Variants in VPS13D observed in about 807,000 individuals in gnomAD.
VPS13D encodes the protein vacuolar protein sorting 13 homolog D, also known as intermembrane lipid transfer protein VPS13D.
Under a neutral mutation model 461.9 loss-of-function variants are expected in VPS13D, and 187 were observed. The observed-to-expected ratio is 0.40, with a 90% confidence interval of 0.36 to 0.46. The LOEUF (loss-of-function observed/expected upper bound fraction) is 0.46, where lower values mean the gene tolerates loss of function less well. Among genes scored for constraint, VPS13D ranks in the 20% least tolerant of loss-of-function variants. The pLI is 0.60. For synonymous variants in VPS13D, 1,951 were observed against 1,986.3 expected, an observed-to-expected ratio of 0.98 and a Z score of 0.47; for missense variants, 4,711 against 5,364.9, an observed-to-expected ratio of 0.88 and a Z score of 3.81.
At chr1:12,466,962 G>A (rs540417762) in intron 67 of VPS13D, among the ~76,000 whole-genome samples, 11 of 152,242 alleles carry the variant, frequency 7.2e-5, no homozygotes, top group African/African-American at 1.4e-4. Context: ...TCACCCTTGC[G>A]TATATATTTG....
In VPS13D at chr1:12,508,894, T is replaced by C. The variant is rs1259964408; in HGVS notation, c.13037T>C (p.Val4346Ala). 1.2e-6 allele frequency: 2 copies of C among 1,613,920 alleles called. No homozygotes were observed. Among genetic ancestry groups the C allele is most frequent in the Non-Finnish European group, 8.5e-7 (1 of 1,179,918 alleles). ...IPGPSHQKPM[V>A]HVKSEVLAVK... Reference sequence around the variant, plus strand: ...GACCCATCCTGTTCTCCTCCTTAGGTCCATGTGAAATCTGAGGTCCTTGCT... The same window carrying C: ...GACCCATCCTGTTCTCCTCCTTAGGCCCATGTGAAATCTGAGGTCCTTGCT... The change falls in exon 70 of 70, where the codon GTC becomes GCC. Residue 4346 changes from valine to alanine, a missense_variant and splice_region_variant. Around this residue, in one of 3 missense-constraint regions of VPS13D, gnomAD observed 194 missense variants for 220.9 expected, o/e 0.88. Transcript: ENST00000620676.
At chr1:12,417,759 G>A (rs550922217) in intron 65 of VPS13D, among the ~76,000 whole-genome samples, 1 of 152,302 alleles carries the variant, frequency 6.6e-6, no homozygotes, top group South Asian at 2.1e-4. Context: ...CGTTAATAAT[G>A]TGTGAAAGCT....
At chr1:12,378,703 TTTCAATG>T in intron 56 of VPS13D, 112 bp downstream of exon 56, 1 of 1,178,750 alleles carries the variant, frequency 8.5e-7, no homozygotes, top group South Asian at 2.3e-5. Context: ...TGTATATTTT[TTTCAATG>T]ACAAAAACCT....
intron 18 of VPS13D, among the ~76,000 whole-genome samples, chr1:12,274,624 T>C (rs1317610476): frequency 6.6e-6 from 1 of 152,178 alleles, no homozygotes; most frequent in Non-Finnish European, 1.5e-5. Context: ...AGTGGTGTAT[T>C]TTTATAGTTG....
rs1646086930 is a variant in VPS13D at position 12,505,082 on chromosome 1, C to T, written c.12795-1771C>T. 6.6e-6 allele frequency among the ~76,000 whole-genome samples: 1 copy of T among 152,176 alleles called. No homozygotes were observed. Among genetic ancestry groups the T allele is most frequent in the South Asian group, 2.1e-4 (1 of 4,828 alleles). ...TCATGGTGGCCAACTTTGGAGTCTC[C>T]TTGGAGAGCCCGTGACGGCCTCAGT... is the stretch of plus-strand genomic sequence containing the variant. On this transcript the variant is annotated intron_variant, in intron 68 of 69. Transcript: ENST00000620676. The surrounding 1 kb of genome is among the most constrained non-coding windows in gnomAD (Gnocchi z 4.2).
rs894263835 is a variant in VPS13D, at chr1:12,413,419, G to A, written c.12031-1668G>A. ...GCCCAGGAGGTCCAGGCTGCAGTGA[G>A]CCAAGATCCCGCCACTGTACTCCAG... On this transcript the variant is annotated intron_variant, in intron 63 of 69. Transcript: ENST00000620676. Among the ~76,000 whole-genome samples, 68 of 152,232 alleles carry A rather than the reference G, an allele frequency of 4.5e-4. 1 individual carries two copies. The highest frequency in any genetic ancestry group is 8.3e-4 in the South Asian group (4 of 4,828).
intron 65 of VPS13D, among the ~76,000 whole-genome samples, chr1:12,434,884 T>C (rs1464414291): frequency 6.6e-6 from 1 of 152,228 alleles, no homozygotes; most frequent in African/African-American, 2.4e-5. Context: ...TTTGTTTTTG[T>C]CTGTGGTCTG....
chr1:12,256,213 C>T (rs1186165452), intron 7 of VPS13D, 120 bp from the exon 8 acceptor site: 22 of 1,119,944 alleles, frequency 2.0e-5, no homozygotes, highest in African/African-American at 3.2e-5. Flanking sequence ...AAAATATTTG[C>T]CGCTGTGACA....
At chr1:12,386,517 G>A (rs1173404311) in intron 60 of VPS13D, among the ~76,000 whole-genome samples, 183 bp downstream of exon 60, 1 of 152,196 alleles carries the variant, frequency 6.6e-6, no homozygotes, top group Non-Finnish European at 1.5e-5. Flanking sequence ...TCTACATACA[G>A]CAGAATTCTG....
intron 2 of VPS13D, among the ~76,000 whole-genome samples, chr1:12,237,326 C>CA (rs60266660): frequency 0.014 from 1,372 of 100,860 alleles, 10 homozygotes; most frequent in East Asian, 0.028. Flanking sequence ...CCCTTTTCTA[C>CA]AAAAAAAAAA....
chr1:12,381,980 T>TCTC (rs1644286170), intron 57 of VPS13D, among the ~76,000 whole-genome samples: 1 of 131,184 alleles, frequency 7.6e-6, no homozygotes, highest in Non-Finnish European at 1.6e-5. Flanking sequence ...CTTTCTTTCT[T>TCTC]TCTCTCTCTC....
intron 13 of VPS13D, among the ~76,000 whole-genome samples, chr1:12,265,468 A>G (rs535571139): frequency 6.6e-6 from 1 of 152,214 alleles, no homozygotes; most frequent in South Asian, 2.1e-4. Context: ...AATACATTGC[A>G]TAGGCTGTAG....
intron 50 of VPS13D, among the ~76,000 whole-genome samples, chr1:12,359,456 T>C (rs1643919416): frequency 6.6e-6 from 1 of 152,134 alleles, no homozygotes; most frequent in African/African-American, 2.4e-5. Flanking sequence ...GAGAGCACAT[T>C]AGTGAGAAGT....
chr1:12,249,328 G>T lies in VPS13D; in HGVS notation c.553G>T (p.Val185Leu), dbSNP rs777005353. 3 of 1,612,626 alleles carry T rather than the reference G, an allele frequency of 1.9e-6. No individual in the cohort carries two copies. In the African/African-American group the frequency reaches 4.0e-5, roughly 22 times the overall value. The change falls in exon 6 of 70, where the codon GTG becomes TTG. Residue 185 changes from valine (V) to leucine (L), a missense_variant. Coordinates refer to ENST00000620676, the MANE Select transcript of VPS13D (RefSeq NM_015378.4). ...CIKNVSMQNA[V>L]NEPVQKLMRK... ...TAAGAATGTGTCCATGCAAAATGCT[G>T]TGAATGAGCCTGTGAGTATGAAATG...
intron 67 of VPS13D, among the ~76,000 whole-genome samples, chr1:12,493,227 G>A (rs112056247): frequency 0.016 from 2,409 of 150,532 alleles, 33 homozygotes; most frequent in Middle Eastern, 0.035. Flanking sequence ...GGTGGCTCAC[G>A]CCTGTAATGC....
At chr1:12,247,115 C>A (rs1036096833) in intron 5 of VPS13D, among the ~76,000 whole-genome samples, 1 of 152,182 alleles carries the variant, frequency 6.6e-6, no homozygotes, top group Non-Finnish European at 1.5e-5. Flanking sequence ...CATTTTGTTT[C>A]TCCATATCCT....
chr1:12,258,234 G>T (rs1422872775), intron 10 of VPS13D, 131 bp downstream of exon 10: 1 of 1,157,446 alleles, frequency 8.6e-7, no homozygotes, highest in East Asian at 2.6e-5. Flanking sequence ...ATAGGATAGA[G>T]TTGGTCTTAG....
At chr1:12,343,144 AT>A in intron 42 of VPS13D, 93 bp downstream of exon 42, 1 of 889,674 alleles carries the variant, frequency 1.1e-6, no homozygotes, top group Non-Finnish European at 1.5e-6. Flanking sequence ...CTTATAAATG[AT>A]TTTATTTTAT....
intron 24 of VPS13D, among the ~76,000 whole-genome samples, chr1:12,294,817 A>AC (rs1459327086): frequency 6.6e-6 from 1 of 152,216 alleles, no homozygotes; most frequent in African/African-American, 2.4e-5. Flanking sequence ...TCTCAAAAAA[A>AC]AAAGTCCTGA....
Sources: gnomAD v4.1 joint callset for allele counts (sites outside exome capture counted in the v4.1 genomes callset) on GRCh38, gnomAD v4.1.1 for gene constraint, gnomAD v4.1.1 regional missense constraint, Gnocchi (gnomAD v3.1) non-coding constraint, MANE v1.5 for transcripts, NCBI Gene and HGNC (gene_info 2026-07-23, HGNC 2026-07-21) for gene names.